KDM5B: variants seen among roughly 807,000 people sequenced by gnomAD.
KDM5B encodes the protein lysine-specific demethylase 5B.
Under a neutral mutation model 193.4 loss-of-function variants are expected in KDM5B, and 144 were observed. The observed-to-expected ratio is 0.74, with a 90% confidence interval of 0.65 to 0.86. The LOEUF is 0.86. Among genes scored for constraint, KDM5B ranks in the 40% least tolerant of loss-of-function variants. The pLI is 0.00. For synonymous variants in KDM5B, 668 were observed against 682.6 expected (o/e 0.98, Z 0.33); for missense variants, 1,833 against 1,886.9 (o/e 0.97, Z 0.53).
chr1:202,744,612 C>A (rs1655479066), intron 16 of KDM5B, among the ~76,000 whole-genome samples: 1 of 152,110 alleles, frequency 6.6e-6, no homozygotes, highest in Admixed American at 6.5e-5. Flanking sequence ...TCACCTCATA[C>A]CAGTCAGAAT....
intron 12 of KDM5B, 58 bp downstream of exon 12, chr1:202,752,847 G>C (rs1655845736): frequency 6.7e-7 from 1 of 1,488,490 alleles, no homozygotes; most frequent in Middle Eastern, 1.8e-4. Flanking sequence ...TGAATAAAAA[G>C]GAAAAAGAGA....
chr1:202,799,024 G>A (rs993662334), intron 1 of KDM5B, among the ~76,000 whole-genome samples: 1 of 151,894 alleles, frequency 6.6e-6, no homozygotes, highest in Non-Finnish European at 1.5e-5. Context: ...TGTCCCCGGG[G>A]GACAAGGGGA....
At chr1:202,779,961 GTGCTAGATTTATAAAGAGT>G (rs1466485637) in intron 1 of KDM5B, among the ~76,000 whole-genome samples, 1 of 151,884 alleles carries the variant, frequency 6.6e-6, no homozygotes, top group East Asian at 1.9e-4. Context: ...GCATTTAAAA[GTGCTAGATTTATAAAGAGT>G]TCATAACAAT....
At chr1:202,785,213 T>A (rs192012178) in intron 1 of KDM5B, among the ~76,000 whole-genome samples, 32 of 152,332 alleles carry the variant, frequency 2.1e-4, no homozygotes, top group Admixed American at 2.0e-3. Flanking sequence ...TAAACCTTAC[T>A]TACCTTTAAG....
intron 4 of KDM5B, among the ~76,000 whole-genome samples, chr1:202,771,377 G>A (rs1468518227): frequency 6.9e-6 from 1 of 144,076 alleles, no homozygotes; most frequent in Non-Finnish European, 1.5e-5. Context: ...GATTACAAGT[G>A]CCTGCCACCA....
At position 202,774,755 on chromosome 1, in the gene KDM5B, G is replaced by A. The variant is rs1317173871; in HGVS notation, c.283-20C>T. ...TTGGGCCTAAAAGACAAAGAATTGA[G>A]TTTTCATCTCATTTAGCTTATTTTA... On this transcript the variant is annotated intron_variant, in intron 2 of 26. Transcript: ENST00000367265. 1 of 1,608,814 alleles carries A rather than the reference G, an allele frequency of 6.2e-7. No individual in the cohort carries two copies. Among genetic ancestry groups the A allele is most frequent in the Non-Finnish European group, 8.5e-7 (1 of 1,176,656 alleles).
chr1:202,740,281 G>GCC (rs1655268759), intron 20 of KDM5B, among the ~76,000 whole-genome samples: 1 of 142,628 alleles, frequency 7.0e-6, no homozygotes, highest in African/African-American at 2.5e-5. Context: ...GGGCAGAGGG[G>GCC]CTCCTCACTT....
At position 202,742,698 on chromosome 1, in the gene KDM5B, C is replaced by T. The variant is rs764427953; in HGVS notation, c.2431G>A (p.Ala811Thr). ...TTAAGCAACTGCTGCGCAACAGAGG[C>T]ACACTTCTCTGCATCCTGTGTGACT... The part of the protein sequence containing the change: ...RLVTQDAEKC[A>T]SVAQQLLNGK... Residue 811 changes from alanine to threonine, a missense_variant, in exon 17 of 27, where the codon GCC becomes ACC. Transcript: ENST00000367265. The T allele has an allele frequency of 3.7e-6, 6 of 1,614,188 alleles. No individual in the cohort carries two copies. The highest frequency in any genetic ancestry group is 4.2e-6 in the Non-Finnish European group (5 of 1,180,030).
intron 19 of KDM5B, 22 bp from the exon 20 acceptor site, chr1:202,740,834 T>C: frequency 6.3e-7 from 1 of 1,583,524 alleles, no homozygotes; most frequent in Non-Finnish European, 8.6e-7. Context: ...AAACAAAGAC[T>C]TCTTAGCATT....
chr1:202,787,762 G>A (rs192215464), intron 1 of KDM5B, among the ~76,000 whole-genome samples: 10 of 151,860 alleles, frequency 6.6e-5, no homozygotes, highest in African/African-American at 9.7e-5. Flanking sequence ...GCATGGTGGC[G>A]GGCGCCTGTA....
At chr1:202,740,565 C>A (rs867545862) in intron 20 of KDM5B, 109 bp downstream of exon 20, 2 of 1,016,720 alleles carry the variant, frequency 2.0e-6, no homozygotes, top group Non-Finnish European at 2.7e-6. Context: ...CCGGACGGGG[C>A]GGCTGGCCGG....
intron 4 of KDM5B, 33 bp from the exon 5 acceptor site, chr1:202,767,093 CCTT>C (rs1656496759): frequency 1.2e-6 from 2 of 1,601,970 alleles, no homozygotes; most frequent in Non-Finnish European, 1.7e-6. Flanking sequence ...TAAATTCCCT[CCTT>C]TTTTTTTTCA....
intron 14 of KDM5B, among the ~76,000 whole-genome samples, chr1:202,748,511 A>T (rs1042029429): frequency 3.5e-5 from 2 of 56,372 alleles, no homozygotes; most frequent in South Asian, 5.2e-4. Flanking sequence ...TATCTGATTT[A>T]AAAAAAAAAA....
At chr1:202,731,725 G>T in intron 24 of KDM5B, 103 bp downstream of exon 24, 1 of 871,014 alleles carries the variant, frequency 1.1e-6, no homozygotes, top group Non-Finnish European at 1.9e-6. Flanking sequence ...CTACATTTCA[G>T]CATAAAGTCC....
At chr1:202,789,572 GAA>G (rs1657553477) in intron 1 of KDM5B, among the ~76,000 whole-genome samples, 1 of 442 alleles carries the variant, frequency 2.3e-3, no homozygotes. Context: ...AAGGAGAAAG[GAA>G]AAGGGGAAAG....
intron 1 of KDM5B, among the ~76,000 whole-genome samples, chr1:202,799,379 C>T (rs1007291311): frequency 2.6e-5 from 4 of 151,918 alleles, no homozygotes; most frequent in African/African-American, 4.8e-5. Context: ...TTAACCCGGG[C>T]GCGGTGGCTC....
At chr1:202,740,082 G>A (rs982946811) in intron 20 of KDM5B, among the ~76,000 whole-genome samples, 2 of 151,722 alleles carry the variant, frequency 1.3e-5, no homozygotes, top group African/African-American at 4.8e-5. Flanking sequence ...CTCCCGGACG[G>A]GGCGGCTGGC....
intron 4 of KDM5B, among the ~76,000 whole-genome samples, chr1:202,772,197 A>G (rs945551785): frequency 1.3e-5 from 2 of 152,236 alleles, no homozygotes; most frequent in Admixed American, 1.3e-4. Flanking sequence ...GTAGTCCTAA[A>G]ATAACTCAAA....
At chr1:202,786,241 CTCAA>C (rs1657409482) in intron 1 of KDM5B, among the ~76,000 whole-genome samples, 1 of 151,226 alleles carries the variant, frequency 6.6e-6, no homozygotes, top group Non-Finnish European at 1.5e-5. Context: ...AACTCCTGGC[CTCAA>C]GCAATCCTTC....
Sources: allele counts gnomAD v4.1 joint callset (sites outside exome capture counted in the v4.1 genomes callset), GRCh38; gene constraint gnomAD v4.1.1; transcripts MANE v1.5; gene names NCBI Gene and HGNC (gene_info 2026-07-23, HGNC 2026-07-21).